The following BRINP3 variants were observed in gnomAD, a reference collection of about 807,000 sequenced individuals.
The protein encoded by BRINP3 is BMP/retinoic acid-inducible neural-specific protein 3.
A neutral mutation model predicts 71.0 loss-of-function variants in BRINP3; 19 were observed. The ratio of observed to expected loss-of-function variants is 0.27; its 90% CI spans 0.19 to 0.39. BRINP3 has a LOEUF of 0.39. Among genes scored for constraint, BRINP3 ranks in the 10% least tolerant of loss-of-function variants. The pLI, the probability that BRINP3 is intolerant of heterozygous loss-of-function variation, is 1.00. For synonymous variants in BRINP3, 380 were observed against 337.7 expected (o/e 1.13, Z -1.37); for missense variants, 959 against 940.8 (o/e 1.02, Z -0.25).
chr1:190,373,388 T>C (rs963708854), intron 2 of BRINP3, among the ~76,000 whole-genome samples: 2 of 151,110 alleles, frequency 1.3e-5, no homozygotes, highest in Non-Finnish European at 2.9e-5. Context: ...ATACTTTGTC[T>C]AAAAAAAATA....
chr1:190,337,823 T>C (rs1250618408), intron 2 of BRINP3, among the ~76,000 whole-genome samples: 1 of 152,104 alleles, frequency 6.6e-6, no homozygotes, highest in African/African-American at 2.4e-5. Context: ...CCCTGACTAA[T>C]ACAGACATGG....
At chr1:190,274,338 T>C (rs953380069) in intron 3 of BRINP3, among the ~76,000 whole-genome samples, 2 of 151,500 alleles carry the variant, frequency 1.3e-5, no homozygotes, top group African/African-American at 2.4e-5. Context: ...AGTTAGTCCA[T>C]TGTCCTATAA....
chr1:190,357,736 T>C (rs1044237512), intron 2 of BRINP3, among the ~76,000 whole-genome samples: 2 of 151,892 alleles, frequency 1.3e-5, no homozygotes, highest in Non-Finnish European at 2.9e-5. Flanking sequence ...GGGGATGGCA[T>C]TGAATCTATA....
chr1:190,455,829 A>G (rs1057200957), intron 1 of BRINP3, among the ~76,000 whole-genome samples: 2 of 152,186 alleles, frequency 1.3e-5, no homozygotes, highest in Admixed American at 1.3e-4. Context: ...AAAAAAAGTA[A>G]TAAGACGTAT....
intron 6 of BRINP3, among the ~76,000 whole-genome samples, chr1:190,170,858 T>G (rs1215828093): frequency 6.6e-6 from 1 of 152,176 alleles, no homozygotes; most frequent in Non-Finnish European, 1.5e-5. Context: ...TTCAGTACCT[T>G]TTAAGTCTTA....
chr1:190,357,030 T>A (rs1340295659), intron 2 of BRINP3, among the ~76,000 whole-genome samples: 1 of 151,786 alleles, frequency 6.6e-6, no homozygotes, highest in Non-Finnish European at 1.5e-5. Context: ...ATTTGGGGGA[T>A]GATGATTACC....
chr1:190,175,911 T>A (rs540230901), intron 6 of BRINP3, among the ~76,000 whole-genome samples: 2 of 152,166 alleles, frequency 1.3e-5, no homozygotes, highest in Non-Finnish European at 2.9e-5. Flanking sequence ...GGATCTTGAA[T>A]CATGGAGGCT....
At chr1:190,428,653 C>T (rs975662738) in intron 2 of BRINP3, among the ~76,000 whole-genome samples, 2 of 151,942 alleles carry the variant, frequency 1.3e-5, no homozygotes, top group Non-Finnish European at 2.9e-5. Context: ...TAATAAAATG[C>T]ATATTATTTT....
chr1:190,403,153 A>C (rs896721802), intron 2 of BRINP3, among the ~76,000 whole-genome samples: 7 of 152,222 alleles, frequency 4.6e-5, no homozygotes, highest in Non-Finnish European at 1.0e-4. Context: ...TCCTGAAAAC[A>C]TAATCTTCTG....
At chr1:190,465,986 C>A (rs1479925167) in intron 1 of BRINP3, among the ~76,000 whole-genome samples, 4 of 151,772 alleles carry the variant, frequency 2.6e-5, no homozygotes, top group Admixed American at 1.3e-4. Flanking sequence ...CCTTTCCTGG[C>A]AGAATCTAAG....
intron 7 of BRINP3, among the ~76,000 whole-genome samples, chr1:190,110,638 T>A (rs1652584210): frequency 6.6e-6 from 1 of 152,150 alleles, no homozygotes; most frequent in Admixed American, 6.5e-5. Flanking sequence ...ATAAATGGAA[T>A]TCTGAAGTGA....
chr1:190,231,843 T>G (rs1571437373), intron 5 of BRINP3, among the ~76,000 whole-genome samples: 1 of 152,042 alleles, frequency 6.6e-6, no homozygotes, highest in East Asian at 1.9e-4. Context: ...CTTAGAGTTC[T>G]GTTCTGAATT....
rs751536396 is a variant in BRINP3 at position 190,264,990 on chromosome 1, A to G, written c.493T>C (p.Ser165Pro). 1 of 1,611,886 alleles carries G rather than the reference A, an allele frequency of 6.2e-7. No individual in the cohort carries two copies. ...GTGACCGAAGAGCTATTGGTGGTGG[A>G]ATCACTTCCTTCAGCTCGTTTGCTC... ...KLSKRAEGSD[S>P]TTNSSSVTLE... The change falls in exon 4 of 8, where the codon TCC becomes CCC. Residue 165 changes from serine (S) to proline (P), a missense_variant. Coordinates refer to ENST00000367462, the MANE Select transcript of BRINP3 (RefSeq NM_199051.3).
chr1:190,242,616 T>A (rs1461514827), intron 4 of BRINP3, among the ~76,000 whole-genome samples: 5 of 152,114 alleles, frequency 3.3e-5, no homozygotes, highest in East Asian at 1.9e-4. Flanking sequence ...ACCAATTTTT[T>A]AAAAATATTA....
At chr1:190,422,995 A>G (rs1020052726) in intron 2 of BRINP3, among the ~76,000 whole-genome samples, 2 of 151,802 alleles carry the variant, frequency 1.3e-5, no homozygotes, top group Admixed American at 1.3e-4. Flanking sequence ...TTGAAGTAAC[A>G]GATGTCCACT....
intron 2 of BRINP3, among the ~76,000 whole-genome samples, chr1:190,311,669 T>G (rs566127507): frequency 4.0e-5 from 6 of 151,548 alleles, no homozygotes; most frequent in Non-Finnish European, 5.9e-5. Context: ...GGAAAGTTTA[T>G]ATCATCACAG....
At chr1:190,110,948 A>G (rs1652613181) in intron 7 of BRINP3, among the ~76,000 whole-genome samples, 1 of 151,994 alleles carries the variant, frequency 6.6e-6, no homozygotes, top group Non-Finnish European at 1.5e-5. Context: ...TAAAACTTTA[A>G]TTGGATCACG....
intron 2 of BRINP3, among the ~76,000 whole-genome samples, chr1:190,297,924 T>C (rs1200921685): frequency 6.6e-6 from 1 of 152,054 alleles, no homozygotes; most frequent in Non-Finnish European, 1.5e-5. Context: ...TGTAAAATTA[T>C]TGTTAATTCT....
intron 1 of BRINP3, among the ~76,000 whole-genome samples, chr1:190,456,733 T>C (rs921401733): frequency 6.6e-6 from 1 of 152,012 alleles, no homozygotes; most frequent in African/African-American, 2.4e-5. Flanking sequence ...TTGCTTATCA[T>C]ATACATTTAA....
Sources: gnomAD v4.1 joint callset for allele counts (sites outside exome capture counted in the v4.1 genomes callset) on GRCh38, gnomAD v4.1.1 for gene constraint, MANE v1.5 for transcripts, NCBI Gene and HGNC (gene_info 2026-07-23, HGNC 2026-07-21) for gene names.